ANKRD31: variants seen among roughly 807,000 people sequenced by gnomAD.
ANKRD31 encodes ankyrin repeat domain 31.
ANKRD31 carries 147 observed loss-of-function variants against 186.0 expected under a neutral mutation model. The observed-to-expected ratio is 0.79, with a 90% CI of 0.69 to 0.91. The LOEUF is 0.91. Ranked by LOEUF, ANKRD31 falls within the 40% of genes least tolerant of loss-of-function variation. The pLI, the probability that ANKRD31 is intolerant of heterozygous loss-of-function variation, is 0.00. For missense variants in ANKRD31, 1,986 were observed against 2,148.8 expected (o/e 0.92, Z 1.50); for synonymous variants, 673 against 736.4 (o/e 0.91, Z 1.39).
intron 7 of ANKRD31, among the ~76,000 whole-genome samples, chr5:75,195,070 A>C (rs1369345624): frequency 1.3e-5 from 2 of 152,172 alleles, no homozygotes; most frequent in Non-Finnish European, 2.9e-5. Context: ...TCCAGGCATA[A>C]TACTACAAGA....
intron 1 of ANKRD31, among the ~76,000 whole-genome samples, chr5:75,233,987 G>A (rs980244140): frequency 6.6e-6 from 1 of 151,926 alleles, no homozygotes; most frequent in African/African-American, 2.4e-5. Flanking sequence ...TATGCTTAAG[G>A]AAATTATCTC....
At chr5:75,079,196 G>T (rs1744894125) in intron 25 of ANKRD31, among the ~76,000 whole-genome samples, 2 of 152,170 alleles carry the variant, frequency 1.3e-5, no homozygotes, top group Admixed American at 6.5e-5. Flanking sequence ...GAAGAAAGTT[G>T]TAAGATGGCA....
chr5:75,219,214 T>G (rs1415155078), intron 3 of ANKRD31, among the ~76,000 whole-genome samples: 1 of 152,162 alleles, frequency 6.6e-6, no homozygotes, highest in African/African-American at 2.4e-5. Flanking sequence ...TGTTTGCAAA[T>G]GACATGCTTC....
intron 10 of ANKRD31, among the ~76,000 whole-genome samples, chr5:75,185,550 C>T (rs1754647641): frequency 6.6e-6 from 1 of 151,966 alleles, no homozygotes; most frequent in African/African-American, 2.4e-5. Context: ...AAGTGAGATT[C>T]CATCTCACAC....
At chr5:75,168,024 C>G (rs985792867) in intron 11 of ANKRD31, among the ~76,000 whole-genome samples, 1 of 152,104 alleles carries the variant, frequency 6.6e-6, no homozygotes, top group Admixed American at 6.5e-5. Flanking sequence ...ATTCTCTCCT[C>G]CTAGTCCTCT....
chr5:75,194,913 T>G (rs544682301), intron 7 of ANKRD31, among the ~76,000 whole-genome samples: 4 of 152,146 alleles, frequency 2.6e-5, no homozygotes, highest in Non-Finnish European at 5.9e-5. Context: ...ACCATATTAT[T>G]ATGTAATTCT....
intron 17 of ANKRD31, among the ~76,000 whole-genome samples, chr5:75,134,433 C>G (rs6606291): frequency 2.0e-5 from 3 of 152,150 alleles, no homozygotes; most frequent in East Asian, 3.9e-4. Context: ...ATAAATTCCT[C>G]GACACATACA....
chr5:75,088,628 A>G (rs1248814447), intron 23 of ANKRD31, among the ~76,000 whole-genome samples: 1 of 152,194 alleles, frequency 6.6e-6, no homozygotes, highest in Non-Finnish European at 1.5e-5. Context: ...GTTTCTAATG[A>G]AAGGAACGTG....
chr5:75,087,592 C>T (rs1745600845), intron 23 of ANKRD31, among the ~76,000 whole-genome samples: 1 of 151,848 alleles, frequency 6.6e-6, no homozygotes, highest in Non-Finnish European at 1.5e-5. Context: ...TTTAAGAAGT[C>T]AATCTTACAA....
chr5:75,224,782 A>T (rs1019240609), intron 2 of ANKRD31, among the ~76,000 whole-genome samples: 1 of 152,168 alleles, frequency 6.6e-6, no homozygotes, highest in East Asian at 1.9e-4. Flanking sequence ...GAGAAGACCA[A>T]CAGCTTTTAC....
chr5:75,164,622 G>T (rs1388849504), intron 11 of ANKRD31, among the ~76,000 whole-genome samples: 2 of 152,134 alleles, frequency 1.3e-5, no homozygotes, highest in Non-Finnish European at 2.9e-5. Context: ...ACTCCCTTGG[G>T]ATCACCAACT....
intron 10 of ANKRD31, among the ~76,000 whole-genome samples, chr5:75,180,422 C>G (rs552928865): frequency 3.3e-5 from 5 of 152,250 alleles, no homozygotes; most frequent in Admixed American, 6.5e-5. Flanking sequence ...GCCCGCATCG[C>G]CAAGTCAATC....
chr5:75,134,290 A>G (rs952385070), intron 17 of ANKRD31, among the ~76,000 whole-genome samples: 1 of 152,184 alleles, frequency 6.6e-6, no homozygotes, highest in East Asian at 1.9e-4. Context: ...AGAAGAAAAG[A>G]GAGAAGAATC....
At chr5:75,119,577 T>C (rs999771102) in intron 17 of ANKRD31, among the ~76,000 whole-genome samples, 16 of 152,222 alleles carry the variant, frequency 1.1e-4, no homozygotes, top group African/African-American at 3.9e-4. Context: ...TATATGTCTT[T>C]TTGGTAGAAC....
chr5:75,072,250 C>G (rs1391111541), intron 25 of ANKRD31, among the ~76,000 whole-genome samples: 1 of 152,100 alleles, frequency 6.6e-6, no homozygotes, highest in African/African-American at 2.4e-5. Flanking sequence ...TTCTTTGCAG[C>G]TAGGTGTGGC....
chr5:75,182,189 G>A (rs1262660076), intron 10 of ANKRD31, among the ~76,000 whole-genome samples: 1 of 152,122 alleles, frequency 6.6e-6, no homozygotes, highest in African/African-American at 2.4e-5. Context: ...GTTTCTTATA[G>A]AAGGTATGAA....
intron 3 of ANKRD31, among the ~76,000 whole-genome samples, chr5:75,221,492 A>G (rs1318819660): frequency 6.6e-6 from 1 of 152,220 alleles, no homozygotes; most frequent in Non-Finnish European, 1.5e-5. Context: ...AATCCCTAAT[A>G]TAAAATGGAG....
chr5:75,144,200 T>G, intron 14 of ANKRD31, 29 bp from the exon 15 acceptor site: 1 of 396,458 alleles, frequency 2.5e-6, no homozygotes, highest in Non-Finnish European at 4.5e-6. Context: ...AATATCAGTG[T>G]TGTTGTTCTC....
chr5:75,203,974 C>T (rs1306746984), intron 5 of ANKRD31, among the ~76,000 whole-genome samples: 1 of 152,084 alleles, frequency 6.6e-6, no homozygotes, highest in Admixed American at 6.5e-5. Context: ...TTTTTAAAAT[C>T]AGAAAGTCTT....
Sources: allele counts gnomAD v4.1 joint callset (sites outside exome capture counted in the v4.1 genomes callset), GRCh38; gene constraint gnomAD v4.1.1; transcripts MANE v1.5; gene names NCBI Gene and HGNC (gene_info 2026-07-23, HGNC 2026-07-21).